Variants in GRM4 observed in about 807,000 individuals in gnomAD.
GRM4 encodes metabotropic glutamate receptor 4.
Under a neutral mutation model 81.7 loss-of-function variants are expected in GRM4, and 28 were observed. The observed-to-expected ratio is 0.34, with a 90% CI of 0.25 to 0.47. The LOEUF is 0.47. Among genes scored for constraint, GRM4 ranks in the 20% least tolerant of loss-of-function variants. GRM4 has a pLI of 1.00. For synonymous variants in GRM4, 488 were observed against 528.8 expected (o/e 0.92, Z 1.06); for missense variants, 948 against 1,290.0 (o/e 0.73, Z 4.06).
At chr6:34,028,553 G>A (rs1183866680) in intron 9 of GRM4, among the ~76,000 whole-genome samples, 187 bp from the exon 10 acceptor site, 1 of 152,230 alleles carries the variant, frequency 6.6e-6, no homozygotes, top group African/African-American at 2.4e-5. Context: ...TTCCAGCTGT[G>A]TGATATTAGA....
chr6:34,088,964 C>T (rs1228557960), intron 3 of GRM4, among the ~76,000 whole-genome samples: 6 of 152,224 alleles, frequency 3.9e-5, no homozygotes, highest in Non-Finnish European at 5.9e-5. Flanking sequence ...CACCTACAGG[C>T]TCCCCACCTG....
In GRM4 at chr6:34,021,017, C is replaced by G. The variant is rs952526941; in HGVS notation, c.*1804G>C. 1 of 152,290 alleles carries G rather than the reference C, an allele frequency of 6.6e-6. No individual in the cohort carries two copies. Among genetic ancestry groups the G allele is most frequent in the South Asian group, 2.1e-4 (1 of 4,824 alleles). 9.4% of individuals were successfully genotyped at this position (152,290 alleles called of 1,614,324 possible). Reference sequence around the variant, plus strand: ...GGGGACGGCACAGGCAGCCCAGGCTCCAGCTGCTGCCTATGGCCTCATTGT... The same window carrying G: ...GGGGACGGCACAGGCAGCCCAGGCTGCAGCTGCTGCCTATGGCCTCATTGT... On this transcript the variant is annotated 3_prime_UTR_variant, in exon 11 of 11. Transcript: ENST00000538487. This position sits in a 1 kb window ranked among gnomAD's most constrained non-coding sequence, Gnocchi z 5.3.
At position 34,133,890 on chromosome 6, in the gene GRM4, A is replaced by C; in HGVS notation, c.-363-31T>G. 6 of 987,346 alleles carry C rather than the reference A, an allele frequency of 6.1e-6. No individual in the cohort carries two copies. Among genetic ancestry groups the C allele is most frequent in the Non-Finnish European group, 7.3e-6 (6 of 823,274 alleles). 61.2% of individuals were successfully genotyped at this position (987,346 alleles called of 1,614,324 possible). Reference sequence around the variant, plus strand: ...AAGGGGAAGAGAGAGAGAGAATATCAAACAGAAGCCCAAAGAAGACATTAG... The same window carrying C: ...AAGGGGAAGAGAGAGAGAGAATATCCAACAGAAGCCCAAAGAAGACATTAG... On this transcript the variant is annotated intron_variant, in intron 1 of 10. Transcript: ENST00000538487. This position sits in a 1 kb window ranked among gnomAD's most constrained non-coding sequence, Gnocchi z 6.5.
intron 7 of GRM4, 26 bp downstream of exon 7, chr6:34,040,522 A>T (rs1266115547): frequency 6.3e-7 from 1 of 1,595,618 alleles, no homozygotes; most frequent in Non-Finnish European, 8.6e-7. Context: ...ACCCAGGGTC[A>T]GGCACAGTCC....
chr6:34,073,004 A>T (rs1409114577), intron 3 of GRM4, among the ~76,000 whole-genome samples: 1 of 105,460 alleles, frequency 9.5e-6, no homozygotes, highest in Admixed American at 9.6e-5. Context: ...CATCACACAG[A>T]TACACACCAC....
chr6:34,123,526 G>A (rs191553432), intron 2 of GRM4, among the ~76,000 whole-genome samples: 25 of 152,290 alleles, frequency 1.6e-4, no homozygotes, highest in African/African-American at 4.8e-4. Flanking sequence ...TTTCCCAGCT[G>A]AGATGAGCGA....
At chr6:34,033,994 C>T (rs374073888) in intron 9 of GRM4, among the ~76,000 whole-genome samples, 2 of 152,222 alleles carry the variant, frequency 1.3e-5, no homozygotes, top group East Asian at 1.9e-4. Context: ...CCGCCTCAGC[C>T]TCCCAAAGTG....
At position 34,133,339 on chromosome 6, in the gene GRM4, C is replaced by G; in HGVS notation, c.158G>C (p.Gly53Ala). The change falls in exon 2 of 11, where the codon GGC becomes GCC. Residue 53 changes from glycine (G) to alanine (A), a missense_variant. Gly to Ala is a moderately conservative substitution (Grantham distance 60). Coordinates refer to ENST00000538487, the MANE Select transcript of GRM4 (RefSeq NM_000841.4). The surrounding 1 kb of genome is among the most constrained non-coding windows in gnomAD (Gnocchi z 6.5). The stretch of plus-strand genomic sequence containing the variant: ...GCCCCGGCCATGCACCGGGAACAGG[C>G]CTCCCAGTGTGATGTCCCCATCTAT... ...IRIDGDITLG[G>A]LFPVHGRGSE... 1 of 1,614,118 alleles carries G rather than the reference C, an allele frequency of 6.2e-7. No individual in the cohort carries two copies.
At chr6:34,033,251 C>T (rs1764520728) in intron 9 of GRM4, among the ~76,000 whole-genome samples, 1 of 152,208 alleles carries the variant, frequency 6.6e-6, no homozygotes, top group East Asian at 1.9e-4. Flanking sequence ...TCTTAGGACA[C>T]TCACTGCCAG....
In GRM4 at chr6:34,121,514, T is replaced by C. The variant is rs143516852; in HGVS notation, c.519+11464A>G. 3.6e-3 allele frequency among the ~76,000 whole-genome samples: 547 copies of C among 152,340 alleles called. 3 individuals are homozygous for C. Among genetic ancestry groups the C allele is most frequent in the African/African-American group, 0.012 (499 of 41,570 alleles). The stretch of plus-strand genomic sequence containing the variant: ...TAGGGCTCCCATTAGGGCCCCGCTC[T>C]ACCCAGCCAGAGCTCCCCCTCCAGG... On this transcript the variant is annotated intron_variant, in intron 2 of 10. Transcript: ENST00000538487. The surrounding 1 kb of genome is among the most constrained non-coding windows in gnomAD (Gnocchi z 4.6).
intron 5 of GRM4, among the ~76,000 whole-genome samples, chr6:34,057,946 C>T (rs1302866421): frequency 3.3e-5 from 5 of 151,998 alleles, no homozygotes; most frequent in African/African-American, 4.8e-5. Flanking sequence ...TGGAAACTCT[C>T]GCTATGTGTG....
chr6:34,024,659 A>C, intron 10 of GRM4: 1 of 455,938 alleles, frequency 2.2e-6, no homozygotes, highest in Non-Finnish European at 4.4e-6. Flanking sequence ...AGCTCAGTTA[A>C]AGGAAGAATT....
At chr6:34,084,467 G>A (rs1003853131) in intron 3 of GRM4, among the ~76,000 whole-genome samples, 1 of 152,186 alleles carries the variant, frequency 6.6e-6, no homozygotes, top group Non-Finnish European at 1.5e-5. Context: ...CCACCAAGGA[G>A]CACAGCTCTG....
intron 3 of GRM4, among the ~76,000 whole-genome samples, chr6:34,067,704 C>T (rs1375036882): frequency 6.6e-6 from 1 of 152,038 alleles, no homozygotes; most frequent in Non-Finnish European, 1.5e-5. Flanking sequence ...AAGACTCCTT[C>T]CTCAGGAGCT....
chr6:34,107,200 GC>G (rs1355865466), intron 2 of GRM4, among the ~76,000 whole-genome samples: 1 of 152,190 alleles, frequency 6.6e-6, no homozygotes, highest in Non-Finnish European at 1.5e-5. Flanking sequence ...GACACTGGCG[GC>G]CCCTTGCTCT....
intron 3 of GRM4, among the ~76,000 whole-genome samples, chr6:34,082,258 T>C (rs941914402): frequency 6.6e-6 from 1 of 152,082 alleles, no homozygotes; most frequent in African/African-American, 2.4e-5. Flanking sequence ...GTTTAGAGAT[T>C]TGTCAAATAT....
chr6:34,040,139 G>A (rs146337525), intron 8 of GRM4, 39 bp downstream of exon 8: 23,157 of 1,601,894 alleles, frequency 0.014, 210 homozygotes, highest in South Asian at 0.018. Context: ...CTGGAACTGC[G>A]TGAGTCACTC....
At chr6:34,085,177 G>C (rs1767822258) in intron 3 of GRM4, among the ~76,000 whole-genome samples, 1 of 152,200 alleles carries the variant, frequency 6.6e-6, no homozygotes, top group South Asian at 2.1e-4. Flanking sequence ...GCAAAGGAGG[G>C]CAGGGGGCAC....
intron 3 of GRM4, among the ~76,000 whole-genome samples, chr6:34,071,708 C>T (rs910878466): frequency 1.4e-5 from 2 of 141,066 alleles, no homozygotes; most frequent in Non-Finnish European, 3.1e-5. Context: ...CAGATACACA[C>T]CATGCACACA....
Sources: gnomAD v4.1 joint callset for allele counts (sites outside exome capture counted in the v4.1 genomes callset) on GRCh38, gnomAD v4.1.1 for gene constraint, Gnocchi (gnomAD v3.1) non-coding constraint, MANE v1.5 for transcripts, NCBI Gene and HGNC (gene_info 2026-07-23, HGNC 2026-07-21) for gene names.